The following PHACTR1 variants were observed in gnomAD, a reference collection of about 807,000 sequenced individuals.
PHACTR1 encodes RPEL repeat containing 1.
A neutral mutation model predicts 69.2 loss-of-function variants in PHACTR1; 16 were observed. The ratio of observed to expected loss-of-function variants is 0.23; its 90% confidence interval spans 0.16 to 0.35. The LOEUF (loss-of-function observed/expected upper bound fraction) is 0.35, where lower values mean the gene tolerates loss of function less well. PHACTR1 is among the 10% of genes least tolerant of loss of function. The probability of loss-of-function intolerance (pLI) is 1.00; values close to 1 mark genes in which losing one functional copy is unlikely to be tolerated. For synonymous variants in PHACTR1, 312 were observed against 284.5 expected, an observed-to-expected ratio of 1.10 and a Z score of -0.97; for missense variants, 510 against 734.7, an observed-to-expected ratio of 0.69 and a Z score of 3.54.
At chr6:13,242,194 C>G (rs916753863) in intron 10 of PHACTR1, among the ~76,000 whole-genome samples, 7 of 152,182 alleles carry the variant, frequency 4.6e-5, no homozygotes, top group Non-Finnish European at 4.4e-5. Context: ...TTACATGCTT[C>G]TAGAACACAT....
At chr6:13,178,478 A>G (rs989113210) in intron 6 of PHACTR1, among the ~76,000 whole-genome samples, 1 of 152,228 alleles carries the variant, frequency 6.6e-6, no homozygotes, top group Non-Finnish European at 1.5e-5. Flanking sequence ...ACATCACCCA[A>G]GGACTTATTA....
intron 7 of PHACTR1, among the ~76,000 whole-genome samples, chr6:13,202,060 AG>A (rs1387731227): frequency 6.6e-6 from 1 of 152,246 alleles, no homozygotes; most frequent in African/African-American, 2.4e-5. Flanking sequence ...GGAAAGAAGG[AG>A]GGGGGTTCCC....
rs1369108332 is a variant in PHACTR1 at position 13,283,898 on chromosome 6, T to A, written c.1650+336T>A. The A allele has an allele frequency of 3.2e-6, 1 of 309,312 alleles. No individual in the cohort carries two copies. Among genetic ancestry groups the A allele is most frequent in the African/African-American group, 2.1e-5 (1 of 46,810 alleles). The allele number at this position is 309,312 out of a possible 1,614,324, so 19.2% of individuals were successfully genotyped here. On this transcript the variant is annotated intron_variant, in intron 13 of 14. Transcript: ENST00000332995. This position sits in a 1 kb window ranked among gnomAD's most constrained non-coding sequence, Gnocchi z 4.7. ...CCAGGCTCATCACAGCCCTTCCGTATAGGGGATGGTGCTGCCGGCATCCAA... is the reference window on the plus strand; with the variant it reads ...CCAGGCTCATCACAGCCCTTCCGTAAAGGGGATGGTGCTGCCGGCATCCAA...
chr6:13,226,829 C>A (rs945383363), intron 8 of PHACTR1, among the ~76,000 whole-genome samples: 1 of 151,666 alleles, frequency 6.6e-6, no homozygotes, highest in African/African-American at 2.4e-5. Flanking sequence ...CCTCTGCCTC[C>A]CAGGCTCAAG....
At chr6:12,770,168 T>C (rs1035319228) in intron 4 of PHACTR1, among the ~76,000 whole-genome samples, 19 of 152,174 alleles carry the variant, frequency 1.2e-4, no homozygotes, top group Non-Finnish European at 1.5e-5. Flanking sequence ...CTTAAACTGA[T>C]TTTACAATTA....
At chr6:13,095,399 C>A (rs1369421053) in intron 5 of PHACTR1, among the ~76,000 whole-genome samples, 1 of 152,196 alleles carries the variant, frequency 6.6e-6, no homozygotes, top group Non-Finnish European at 1.5e-5. Flanking sequence ...CCTCAGCACT[C>A]ACTTTTGTTC....
intron 12 of PHACTR1, 55 bp downstream of exon 12, chr6:13,278,384 C>T (rs941219741): frequency 4.7e-6 from 7 of 1,501,520 alleles, no homozygotes; most frequent in Admixed American, 3.9e-5. Context: ...CTGCCTGCCA[C>T]ACCTCTGCCC....
At chr6:13,166,279 T>G (rs1247013080) in intron 6 of PHACTR1, among the ~76,000 whole-genome samples, 2 of 152,230 alleles carry the variant, frequency 1.3e-5, no homozygotes. Context: ...TCCTTTTTTC[T>G]TCTATCTCTT....
At chr6:13,080,780 A>G (rs1811251864) in intron 5 of PHACTR1, among the ~76,000 whole-genome samples, 1 of 152,166 alleles carries the variant, frequency 6.6e-6, no homozygotes, top group African/African-American at 2.4e-5. Flanking sequence ...ATGACAATAA[A>G]TATGTGTTAG....
In PHACTR1 at chr6:13,106,665, A is replaced by G. The variant is rs144664485; in HGVS notation, c.415+53136A>G. On this transcript the variant is annotated intron_variant, in intron 5 of 14. Transcript: ENST00000332995. ...GCTAATTATTTTATTTTTCTTAGAG[A>G]TGGGGTCTCACTTTGTTGCTCAGGC... 3.4e-3 allele frequency among the ~76,000 whole-genome samples: 514 copies of G among 152,060 alleles called. 2 individuals are homozygous for G. The highest frequency in any genetic ancestry group is 0.017 in the Middle Eastern group (5 of 294).
At chr6:13,215,344 A>G (rs914534738) in intron 8 of PHACTR1, among the ~76,000 whole-genome samples, 1 of 152,218 alleles carries the variant, frequency 6.6e-6, no homozygotes, top group East Asian at 1.9e-4. Context: ...CAACTGGTCT[A>G]TGAAATTCGG....
At chr6:13,074,914 A>G (rs1318548840) in intron 5 of PHACTR1, among the ~76,000 whole-genome samples, 1 of 152,228 alleles carries the variant, frequency 6.6e-6, no homozygotes, top group South Asian at 2.1e-4. Context: ...GATCCTATTC[A>G]TTTGAAGGGA....
chr6:12,888,539 C>A (rs186916628), intron 4 of PHACTR1, among the ~76,000 whole-genome samples: 95 of 152,064 alleles, frequency 6.2e-4, no homozygotes, highest in African/African-American at 2.1e-3. Flanking sequence ...TTTTTTAAAA[C>A]CTCAAGTCAT....
chr6:13,051,781 AC>A (rs1429017878), intron 4 of PHACTR1, among the ~76,000 whole-genome samples: 1 of 152,172 alleles, frequency 6.6e-6, no homozygotes, highest in Admixed American at 6.5e-5. Context: ...GTTCTTACAC[AC>A]TGATCTCTCT....
At chr6:12,795,389 C>T (rs6924150) in intron 4 of PHACTR1, among the ~76,000 whole-genome samples, 67,071 of 151,958 alleles carry the variant, frequency 0.44, 15,578 homozygotes, top group African/African-American at 0.55. Flanking sequence ...TCTTGCATTT[C>T]ATTTTTTTTA....
chr6:13,241,116 G>T (rs943401963), intron 10 of PHACTR1, among the ~76,000 whole-genome samples: 2 of 152,166 alleles, frequency 1.3e-5, no homozygotes, highest in African/African-American at 4.8e-5. Context: ...TAGGTATCTT[G>T]GTGGACTGTA....
intron 4 of PHACTR1, among the ~76,000 whole-genome samples, chr6:12,994,029 A>C (rs1221641121): frequency 1.3e-5 from 2 of 152,172 alleles, no homozygotes; most frequent in African/African-American, 2.4e-5. Flanking sequence ...TACAATAAGA[A>C]AAGAAATAGA....
At chr6:12,792,555 C>T (rs2127664105) in intron 4 of PHACTR1, among the ~76,000 whole-genome samples, 1 of 135,144 alleles carries the variant, frequency 7.4e-6, no homozygotes, top group Middle Eastern at 4.6e-3. Flanking sequence ...TTACTAAAAA[C>T]TCAAATGCAG....
chr6:13,137,538 G>A (rs560694298), intron 5 of PHACTR1, among the ~76,000 whole-genome samples: 15 of 152,276 alleles, frequency 9.9e-5, no homozygotes, highest in South Asian at 4.1e-4. Flanking sequence ...TCTATGTACC[G>A]TTTTCTGTCC....
Sources: gnomAD v4.1 joint callset for allele counts (sites outside exome capture counted in the v4.1 genomes callset) on GRCh38, gnomAD v4.1.1 for gene constraint, Gnocchi (gnomAD v3.1) non-coding constraint, MANE v1.5 for transcripts, NCBI Gene and HGNC (gene_info 2026-07-23, HGNC 2026-07-21) for gene names.